SV2C: variants seen among roughly 807,000 people sequenced by gnomAD.
The protein encoded by SV2C is solute carrier family 22 member B3.
A neutral mutation model predicts 79.7 loss-of-function variants in SV2C; 49 were observed. The observed-to-expected ratio is 0.61, with a 90% CI of 0.49 to 0.78. SV2C has a LOEUF of 0.78. SV2C is among the 30% of genes least tolerant of loss of function. The pLI, the probability that SV2C is intolerant of heterozygous loss-of-function variation, is 0.00. For missense variants in SV2C, 833 were observed against 912.9 expected (o/e 0.91, Z 1.13); for synonymous variants, 334 against 333.2 (o/e 1.00, Z -0.03).
the SV2C span, among the ~76,000 whole-genome samples, chr5:75,966,458 C>T: frequency 6.6e-6 from 1 of 152,150 alleles, no homozygotes; most frequent in Non-Finnish European, 1.5e-5. Flanking sequence ...CTGGCCAGAA[C>T]CAGCAAATGG....
At chr5:75,847,752 A>C in the SV2C span, among the ~76,000 whole-genome samples, 1 of 152,340 alleles carries the variant, frequency 6.6e-6, no homozygotes, top group Admixed American at 6.5e-5. Context: ...CCCAACCCCC[A>C]GAATTAGTAA....
intron 2 of SV2C, among the ~76,000 whole-genome samples, chr5:76,171,624 C>G (rs1743259617): frequency 6.8e-6 from 1 of 145,992 alleles, no homozygotes; most frequent in Non-Finnish European, 1.6e-5. Context: ...GGGGGTCAGC[C>G]CCCCGCCCGG....
At chr5:76,122,104 T>C (rs537517565) in intron 1 of SV2C, among the ~76,000 whole-genome samples, 1 of 151,532 alleles carries the variant, frequency 6.6e-6, no homozygotes, top group East Asian at 1.9e-4. Flanking sequence ...TAAGTTGGAT[T>C]CCTAGGTAAT....
At chr5:75,992,403 C>A in the SV2C span, among the ~76,000 whole-genome samples, 24 of 152,088 alleles carry the variant, frequency 1.6e-4, no homozygotes, top group East Asian at 1.6e-3. Context: ...ACATGAATTT[C>A]AACTGTCATA....
At chr5:76,288,619 A>G (rs1262738070) in intron 6 of SV2C, among the ~76,000 whole-genome samples, 1 of 152,172 alleles carries the variant, frequency 6.6e-6, no homozygotes, top group Non-Finnish European at 1.5e-5. Context: ...ATAGGGCCTC[A>G]TTGCCCTACT....
At chr5:75,945,912 T>C in the SV2C span, among the ~76,000 whole-genome samples, 4 of 152,032 alleles carry the variant, frequency 2.6e-5, no homozygotes, top group African/African-American at 9.7e-5. Context: ...TCAAAATTTA[T>C]GGGAGGCAGG....
intron 2 of SV2C, among the ~76,000 whole-genome samples, chr5:76,150,383 G>C (rs772967931): frequency 6.6e-6 from 1 of 151,884 alleles, no homozygotes; most frequent in African/African-American, 2.4e-5. Flanking sequence ...TCACCATGTT[G>C]GCCAGGATGG....
intron 2 of SV2C, among the ~76,000 whole-genome samples, chr5:76,185,252 G>A (rs2112308828): frequency 6.6e-6 from 1 of 152,308 alleles, no homozygotes; most frequent in Non-Finnish European, 1.5e-5. Flanking sequence ...TGCTTTCATG[G>A]GCTGGCATTG....
chr5:76,073,453 A>G, the SV2C span, among the ~76,000 whole-genome samples: 1 of 147,550 alleles, frequency 6.8e-6, no homozygotes, highest in South Asian at 2.2e-4. Flanking sequence ...TCCAGCCCAA[A>G]TGCCCATCAA....
the SV2C span, among the ~76,000 whole-genome samples, chr5:75,949,556 T>C: frequency 1.3e-5 from 2 of 152,012 alleles, no homozygotes; most frequent in African/African-American, 4.8e-5. Flanking sequence ...TGGTGGGAGA[T>C]AGCTGGATCA....
At chr5:76,141,184 G>A (rs142157921) in intron 2 of SV2C, among the ~76,000 whole-genome samples, 1 of 152,284 alleles carries the variant, frequency 6.6e-6, no homozygotes, top group Non-Finnish European at 1.5e-5. Context: ...GACAGGAAAT[G>A]AACAGAAACT....
In SV2C at chr5:76,103,029, C is replaced by T. The variant is rs573363675; in HGVS notation, c.-102+19517C>T. Among the ~76,000 whole-genome samples, 112 of 152,214 alleles carry T rather than the reference C, an allele frequency of 7.4e-4. 1 individual carries two copies. Among genetic ancestry groups the T allele is most frequent in the Admixed American group, 3.9e-3 (59 of 15,296 alleles). Reference sequence around the variant, plus strand: ...TTTTCTTACAGCACCTGATATGTGTCACTGCTTCCTCTCCCCATTCTGTTA... The same window carrying T: ...TTTTCTTACAGCACCTGATATGTGTTACTGCTTCCTCTCCCCATTCTGTTA... On this transcript the variant is annotated intron_variant, in intron 1 of 12. Coordinates refer to ENST00000502798, the MANE Select transcript of SV2C (RefSeq NM_014979.4).
intron 1 of SV2C, among the ~76,000 whole-genome samples, chr5:76,115,267 C>CTA (rs1253480378): frequency 2.6e-5 from 4 of 152,140 alleles, no homozygotes; most frequent in African/African-American, 9.7e-5. Flanking sequence ...GTATTTGGCT[C>CTA]TATAGCCAAG....
At chr5:75,967,655 G>T in the SV2C span, among the ~76,000 whole-genome samples, 2 of 152,202 alleles carry the variant, frequency 1.3e-5, no homozygotes, top group Non-Finnish European at 2.9e-5. Flanking sequence ...GGCTTCAGTA[G>T]ATAAACAAAG....
the SV2C span, among the ~76,000 whole-genome samples, chr5:76,003,401 A>G: frequency 6.6e-6 from 1 of 152,192 alleles, no homozygotes; most frequent in East Asian, 1.9e-4. Context: ...GGGCTGGGTG[A>G]TATGAGTAAG....
chr5:76,304,714 T>C (rs1462042695), intron 12 of SV2C, among the ~76,000 whole-genome samples: 1 of 152,104 alleles, frequency 6.6e-6, no homozygotes, highest in East Asian at 1.9e-4. Flanking sequence ...TGTCCTCACA[T>C]GGTGGAAGGC....
At chr5:75,944,848 G>A in the SV2C span, among the ~76,000 whole-genome samples, 4 of 152,262 alleles carry the variant, frequency 2.6e-5, no homozygotes, top group East Asian at 1.9e-4. Context: ...AGCCCCAGCT[G>A]TGACACTACA....
chr5:76,137,479 T>C (rs894194522), intron 2 of SV2C, among the ~76,000 whole-genome samples: 8 of 152,004 alleles, frequency 5.3e-5, no homozygotes, highest in African/African-American at 1.9e-4. Context: ...TGGAGGGTGT[T>C]AGTCTGGTAG....
the SV2C span, among the ~76,000 whole-genome samples, chr5:76,077,128 A>T: frequency 6.6e-6 from 1 of 152,220 alleles, no homozygotes; most frequent in East Asian, 1.9e-4. Context: ...CAAAAGTGAC[A>T]ATTAGTATAT....
Sources: allele counts gnomAD v4.1 joint callset (sites outside exome capture counted in the v4.1 genomes callset), GRCh38; gene constraint gnomAD v4.1.1; transcripts MANE v1.5; gene names NCBI Gene and HGNC (gene_info 2026-07-23, HGNC 2026-07-21).